The following SEMA4G variants were observed in gnomAD, a reference collection of about 807,000 sequenced individuals.
The protein encoded by SEMA4G is semaphorin-4G.
In SEMA4G, 59 loss-of-function variants were observed where a neutral mutation model predicts 81.2. That is an observed-to-expected ratio of 0.73 (90% CI 0.59 to 0.90). The LOEUF (loss-of-function observed/expected upper bound fraction) is 0.90. SEMA4G is among the 40% of genes least tolerant of loss of function. The probability of loss-of-function intolerance (pLI) is 0.00; values close to 1 mark genes in which losing one functional copy is unlikely to be tolerated. For missense variants in SEMA4G, 952 were observed against 1,102.3 expected (o/e 0.86, Z 1.93); for synonymous variants, 404 against 433.9 (o/e 0.93, Z 0.86).
chr10:100,971,184 CTT>C (rs1382271802), upstream of SEMA4G, among the ~76,000 whole-genome samples: 126 of 152,320 alleles, frequency 8.3e-4, no homozygotes, highest in African/African-American at 2.7e-3. Context: ...CCATGTGACT[CTT>C]AAACTATAAG....
chr10:100,977,926 T>C (rs986151922), intron 4 of SEMA4G, 196 bp downstream of exon 5: 3 of 593,970 alleles, frequency 5.1e-6, no homozygotes, highest in African/African-American at 1.9e-5. Context: ...GCAGTTTTTA[T>C]AGCATTTTCA....
At position 100,973,455 on chromosome 10, in the gene SEMA4G, A is replaced by G; in HGVS notation, c.274-92A>G. The G allele has an allele frequency of 6.8e-7, 1 of 1,464,954 alleles. No individual in the cohort carries two copies. The highest frequency in any genetic ancestry group is 9.5e-7 in the Non-Finnish European group (1 of 1,057,312). 90.7% of individuals were successfully genotyped at this position (1,464,954 alleles called of 1,614,324 possible). On this transcript the variant is annotated intron_variant, in intron 2 of 13. Transcript: ENST00000370250. The surrounding 1 kb of genome is among the most constrained non-coding windows in gnomAD (Gnocchi z 5.5). ...CCTCCTGAAATTGATCCCCACCCCA[A>G]TTTCCCCAACTCTGTGGGGTCCTAT...
chr10:100,983,342 G>A, exon 14 of SEMA4G: 1 of 1,591,326 alleles, frequency 6.3e-7, no homozygotes, highest in South Asian at 1.1e-5. Context: ...CTGTGCTCCG[G>A]GGTGATGATG....
exon 9 of SEMA4G, chr10:100,979,929 C>T: frequency 6.2e-7 from 1 of 1,614,122 alleles, no homozygotes; most frequent in Non-Finnish European, 8.5e-7. Context: ...ATATGGAATA[C>T]CAGGATGGTT....
intron 3 of SEMA4G, among the ~76,000 whole-genome samples, chr10:100,975,254 T>C (rs1046693496): frequency 2.6e-5 from 4 of 152,188 alleles, no homozygotes; most frequent in African/African-American, 4.8e-5. Flanking sequence ...CTAAACTTAG[T>C]AGGTCTGGGG....
exon 14 of SEMA4G, chr10:100,983,666 T>C: frequency 6.2e-7 from 1 of 1,613,520 alleles, no homozygotes; most frequent in Non-Finnish European, 8.5e-7. Context: ...TTGCCGCGCT[T>C]GGTGGCCTCT....
At chr10:100,980,194 G>A in exon 10 of SEMA4G, 1 of 1,614,228 alleles carries the variant, frequency 6.2e-7, no homozygotes, top group Middle Eastern at 1.6e-4. Flanking sequence ...CCTGGACTTT[G>A]TAAAGTTGCA....
Position 100,981,334 on chromosome 10 carries a change from A to T in SEMA4G, c.1690+105A>T, listed in dbSNP as rs1202936214. 9.4e-6 allele frequency: 15 copies of T among 1,600,992 alleles called. No homozygotes were observed. The East Asian group carries it at 3.3e-4, about 36-fold the overall frequency. ...TGTATCTGAGTGGCTGTGGCTATGT[A>T]CATTTGGTAAGGATGACTCAAACAC... On this transcript the variant is annotated intron_variant, in intron 13 of 13. Transcript: ENST00000370250.
At chr10:100,981,689 A>C in intron 13 of SEMA4G, 1 of 983,072 alleles carries the variant, frequency 1.0e-6, no homozygotes, top group Non-Finnish European at 1.5e-6. Context: ...TATTATCCCC[A>C]TGAGGGACCT....
At chr10:100,984,239 C>A (rs1851305511) in exon 14 of SEMA4G, 2 of 1,459,674 alleles carry the variant, frequency 1.4e-6, no homozygotes, top group Admixed American at 5.4e-5. Flanking sequence ...CACTCCATAC[C>A]CTTCTCCCAA....
chr10:100,983,668 G>A (rs750335846), exon 14 of SEMA4G: 2 of 1,613,466 alleles, frequency 1.2e-6, no homozygotes, highest in Non-Finnish European at 1.7e-6. Flanking sequence ...GCCGCGCTTG[G>A]TGGCCTCTGC....
rs1467095940 is a variant in SEMA4G at position 100,973,503 on chromosome 10, G to A, written c.274-44G>A. Reference sequence around the variant, plus strand: ...TATTGCCTGGTCCTATGAGTAATAGGTATTGGGGTCAGTGCATCAGCCTAT... The same window carrying A: ...TATTGCCTGGTCCTATGAGTAATAGATATTGGGGTCAGTGCATCAGCCTAT... On this transcript the variant is annotated intron_variant, in intron 2 of 13. Coordinates refer to ENST00000370250, the Ensembl canonical transcript of SEMA4G. This position sits in a 1 kb window ranked among gnomAD's most constrained non-coding sequence, Gnocchi z 5.5. 1 of 1,590,418 alleles carries A rather than the reference G, an allele frequency of 6.3e-7. No individual in the cohort carries two copies. Among genetic ancestry groups the A allele is most frequent in the Non-Finnish European group, 8.6e-7 (1 of 1,158,982 alleles).
chr10:100,973,221 C>G lies in SEMA4G; in HGVS notation c.217C>G (p.Arg73Gly). The G allele has an allele frequency of 1.2e-6, 2 of 1,613,526 alleles. No individual in the cohort carries two copies. The highest frequency in any genetic ancestry group is 8.5e-7 in the Non-Finnish European group (1 of 1,180,000). Residue 73 changes from arginine to glycine, a missense_variant, in exon 2 of 14, where the codon CGA (arginine) becomes GGA (glycine). This residue lies in a region of SEMA4G where 436 missense variants were observed against 488.2 expected (regional missense o/e 0.89). Transcript: ENST00000370250. The surrounding 1 kb of genome is among the most constrained non-coding windows in gnomAD (Gnocchi z 5.5). Reference sequence around the variant, plus strand: ...CTCAGCAAGGCTGCTGGTGGGAGCCCGAGGTGCCCTGTTCTCTCTCAGTGC... The same window carrying G: ...CTCAGCAAGGCTGCTGGTGGGAGCCGGAGGTGCCCTGTTCTCTCTCAGTGC...
At chr10:100,978,589 C>G in exon 6 of SEMA4G, 1 of 1,614,114 alleles carries the variant, frequency 6.2e-7, no homozygotes, top group Non-Finnish European at 8.5e-7. Context: ...CCGCCGGAGC[C>G]GCCACCCACA....
At chr10:100,984,527 A>G in exon 14 of SEMA4G, 9 of 1,535,842 alleles carry the variant, frequency 5.9e-6, no homozygotes, top group Non-Finnish European at 7.8e-6. Context: ...CAATGTCACC[A>G]CCCTCTGCAT....
intron 8 of SEMA4G, 120 bp from the exon 10 acceptor site, chr10:100,979,728 G>A: frequency 3.6e-6 from 4 of 1,107,450 alleles, no homozygotes; most frequent in Non-Finnish European, 5.3e-6. Context: ...TCACAGGAGA[G>A]GCCCTGTGGG....
intron 8 of SEMA4G, 158 bp downstream of exon 9, chr10:100,979,429 C>T: frequency 6.5e-7 from 1 of 1,548,296 alleles, no homozygotes; most frequent in Non-Finnish European, 8.7e-7. Context: ...TGTTGCCAGG[C>T]TGGAGTGCAG....
chr10:100,979,143 T>A lies in SEMA4G; in HGVS notation c.855T>A (p.Thr285=), dbSNP rs144136150. Residue 285 remains threonine, a synonymous_variant, in exon 8 of 14, where the codon ACT becomes ACA. Transcript: ENST00000370250. ...AGAAGATCCTGCAGAAGAAGTGGACTTCCTTCCTGAAAGCCCGTCTCATCT... is the reference window on the plus strand; with the variant it reads ...AGAAGATCCTGCAGAAGAAGTGGACATCCTTCCTGAAAGCCCGTCTCATCT... 11 of 1,614,070 alleles carry A rather than the reference T, an allele frequency of 6.8e-6. No homozygotes were observed. The African/African-American group carries it at 1.5e-4, about 22-fold the overall frequency.
chr10:100,975,576 C>G (rs959546299), intron 3 of SEMA4G, among the ~76,000 whole-genome samples: 1 of 152,078 alleles, frequency 6.6e-6, no homozygotes, highest in South Asian at 2.1e-4. Flanking sequence ...TGTAAACATC[C>G]GCTGGGCACG....
Sources: gnomAD v4.1 joint callset for allele counts (sites outside exome capture counted in the v4.1 genomes callset) on GRCh38, gnomAD v4.1.1 for gene constraint, gnomAD v4.1.1 regional missense constraint, Gnocchi (gnomAD v3.1) non-coding constraint, MANE v1.5 for transcripts, NCBI Gene and HGNC (gene_info 2026-07-23, HGNC 2026-07-21) for gene names.